Variants in ACSBG2 observed in about 807,000 individuals in gnomAD.
ACSBG2 encodes the protein long-chain-fatty-acid--CoA ligase ACSBG2.
ACSBG2 carries 62 observed loss-of-function variants against 74.7 expected under a neutral mutation model. That is an observed-to-expected ratio of 0.83 (90% CI 0.68 to 1.03). ACSBG2 has a LOEUF of 1.03. Among genes scored for constraint, ACSBG2 ranks in the 50% least tolerant of loss-of-function variants. The pLI, the probability that ACSBG2 is intolerant of heterozygous loss-of-function variation, is 0.00. For missense variants in ACSBG2, 730 were observed against 817.6 expected, an observed-to-expected ratio of 0.89 and a Z score of 1.31; for synonymous variants, 309 against 294.1, an observed-to-expected ratio of 1.05 and a Z score of -0.52.
At chr19:6,177,082 A>T in intron 7 of ACSBG2, 147 bp from the exon 8 acceptor site, 1 of 786,188 alleles carries the variant, frequency 1.3e-6, no homozygotes. Context: ...GATTCCTTGA[A>T]CCCAGGAGTT....
chr19:6,165,625 A>G (rs932294587), intron 6 of ACSBG2, among the ~76,000 whole-genome samples: 2 of 152,166 alleles, frequency 1.3e-5, no homozygotes, highest in Non-Finnish European at 2.9e-5. Context: ...CATCATTCCC[A>G]TTTTACAAAT....
In ACSBG2 at chr19:6,152,279, AT is replaced by A. The variant is rs71172791; in HGVS notation, c.386+506del. Among the ~76,000 whole-genome samples the A allele has an allele frequency of 6.4e-3, 440 of 68,466 alleles. 22 individuals are homozygous for A. The highest frequency in any genetic ancestry group is 9.7e-3 in the Non-Finnish European group (357 of 36,966). 44.9% of individuals were successfully genotyped at this position (68,466 alleles called of 152,430 possible). On this transcript the variant is annotated intron_variant, in intron 4 of 14. Transcript: ENST00000588485. ...GAGCACACACCACCACACCCAGCTA[AT>A]TTTTTTTTTTTTTTTTTTTTTGAGA...
chr19:6,157,054 C>G (rs2089450525), intron 5 of ACSBG2, among the ~76,000 whole-genome samples: 1 of 152,076 alleles, frequency 6.6e-6, no homozygotes, highest in African/African-American at 2.4e-5. Context: ...TCATGCCATT[C>G]TCCTGCCTCA....
chr19:6,157,909 A>G (rs2089476885), intron 5 of ACSBG2, among the ~76,000 whole-genome samples: 1 of 151,498 alleles, frequency 6.6e-6, no homozygotes, highest in Admixed American at 6.6e-5. Flanking sequence ...CCTAAGTTCT[A>G]TCCCTTCCTG....
rs1016228191 is a variant in ACSBG2 at position 6,159,164 on chromosome 19, G to A, written c.508-2051G>A. ...GTCAAGACTGGATTTCGCCATGTTA[G>A]CCAGACTGCTCTTGAACTCCTGGCC... On this transcript the variant is annotated intron_variant, in intron 5 of 14. Coordinates refer to ENST00000588485, the MANE Select transcript of ACSBG2 (RefSeq NM_030924.5). Among the ~76,000 whole-genome samples the A allele has an allele frequency of 5.9e-5, 9 of 152,146 alleles. 1 individual carries two copies. The highest frequency in any genetic ancestry group is 2.2e-4 in the African/African-American group (9 of 41,432).
At chr19:6,152,985 T>G (rs1406393016) in intron 4 of ACSBG2, among the ~76,000 whole-genome samples, 1 of 152,222 alleles carries the variant, frequency 6.6e-6, no homozygotes, top group Non-Finnish European at 1.5e-5. Flanking sequence ...GGCTCACGCC[T>G]GTAATCCCAG....
intron 2 of ACSBG2, among the ~76,000 whole-genome samples, chr19:6,144,359 T>C (rs1423449826): frequency 6.6e-6 from 1 of 152,240 alleles, no homozygotes; most frequent in Non-Finnish European, 1.5e-5. Context: ...GTGACCAGTG[T>C]CTTTATAAAA....
At chr19:6,166,280 T>TGTGTGTGTGTGTGTG (rs2089799967) in intron 7 of ACSBG2, among the ~76,000 whole-genome samples, 3 of 119,096 alleles carry the variant, frequency 2.5e-5, no homozygotes, top group African/African-American at 1.1e-4. Flanking sequence ...GTCAGGAAGG[T>TGTGTGTGTGTGTGTG]TGTGTGTGTG....
At chr19:6,189,525 TTG>T (rs2090501451) in intron 13 of ACSBG2, among the ~76,000 whole-genome samples, 3 of 150,830 alleles carry the variant, frequency 2.0e-5, no homozygotes, top group South Asian at 4.2e-4. Context: ...CCACTGAGTC[TTG>T]TTTTTTTTTT....
chr19:6,141,472 T>G, intron 1 of ACSBG2, 41 bp from the exon 2 acceptor site: 1 of 1,014,602 alleles, frequency 9.9e-7, no homozygotes, highest in South Asian at 1.3e-5. Flanking sequence ...CTACAGCCCC[T>G]TTGCCAATCC....
chr19:6,187,332 G>A lies in ACSBG2; in HGVS notation c.1590G>A (p.Glu530=). Reference sequence around the variant, plus strand: ...AAAATGTGCCCCCCATTCCTGTTGAGACCTTGGTTAAGAAGAAGATCCCCA... The same window carrying A: ...AAAATGTGCCCCCCATTCCTGTTGAAACCTTGGTTAAGAAGAAGATCCCCA... ...GGENVPPIPV[E]TLVKKKIPII... The change falls in exon 12 of 15, where the codon GAG becomes GAA. Residue 530 remains glutamate, a synonymous_variant. Coordinates refer to ENST00000588485, the MANE Select transcript of ACSBG2 (RefSeq NM_030924.5). 1 of 1,614,136 alleles carries A rather than the reference G, an allele frequency of 6.2e-7. No homozygotes were observed. Among genetic ancestry groups the A allele is most frequent in the South Asian group, 1.1e-5 (1 of 91,068 alleles).
chr19:6,170,006 C>T (rs962055728), intron 7 of ACSBG2, among the ~76,000 whole-genome samples: 9 of 152,124 alleles, frequency 5.9e-5, no homozygotes, highest in Admixed American at 4.6e-4. Context: ...GATGTAGAAT[C>T]ATATCATTGG....
At chr19:6,156,630 A>G in intron 5 of ACSBG2, 79 bp downstream of exon 5, 1 of 1,406,674 alleles carries the variant, frequency 7.1e-7, no homozygotes, top group Admixed American at 2.8e-5. Flanking sequence ...TTTTTTTCCC[A>G]GGTAAATTCT....
intron 10 of ACSBG2, among the ~76,000 whole-genome samples, chr19:6,184,104 C>T (rs937151539): frequency 6.6e-6 from 1 of 152,188 alleles, no homozygotes; most frequent in African/African-American, 2.4e-5. Context: ...CATTGCCATA[C>T]ATTTAAAAGT....
chr19:6,177,507 C>A, intron 8 of ACSBG2, 111 bp downstream of exon 8: 1 of 1,132,934 alleles, frequency 8.8e-7, no homozygotes, highest in Non-Finnish European at 1.2e-6. Context: ...CCATGTCTAA[C>A]GGTTTTATCT....
At position 6,177,183 on chromosome 19, in the gene ACSBG2, C is replaced by A. The variant is rs190436421; in HGVS notation, c.739-46C>A. Reference sequence around the variant, plus strand: ...AAATAAAAATTTAAAAATAAAATGGCCCTTCTATGAGGGTGAGGCACCTTG... The same window carrying A: ...AAATAAAAATTTAAAAATAAAATGGACCTTCTATGAGGGTGAGGCACCTTG... On this transcript the variant is annotated intron_variant, in intron 7 of 14. Coordinates refer to ENST00000588485, the MANE Select transcript of ACSBG2 (RefSeq NM_030924.5). 1.9e-5 allele frequency: 31 copies of A among 1,591,682 alleles called. No individual in the cohort carries two copies. The Admixed American group carries it at 3.5e-4, about 18-fold the overall frequency.
intron 5 of ACSBG2, among the ~76,000 whole-genome samples, chr19:6,158,484 C>T (rs539874448): frequency 6.9e-4 from 96 of 139,782 alleles, no homozygotes; most frequent in Admixed American, 1.1e-3. Context: ...TGGCTATTGT[C>T]GAAACTTTAA....
At chr19:6,155,052 T>G (rs1428646395) in intron 4 of ACSBG2, among the ~76,000 whole-genome samples, 1 of 152,158 alleles carries the variant, frequency 6.6e-6, no homozygotes, top group Non-Finnish European at 1.5e-5. Flanking sequence ...GCAAATAGTA[T>G]GTGCTTAAGA....
In ACSBG2 at chr19:6,190,679, C is replaced by T; in HGVS notation, c.*22C>T. On this transcript the variant is annotated 3_prime_UTR_variant, in exon 14 of 15. Transcript: ENST00000588485. ...CTGACTGCTTTGATGGAGCTGCTCTCAGCTGTTCTGATGGTGAGATTCAGT... is the reference window on the plus strand; with the variant it reads ...CTGACTGCTTTGATGGAGCTGCTCTTAGCTGTTCTGATGGTGAGATTCAGT... 6.2e-7 allele frequency: 1 copy of T among 1,610,842 alleles called. No individual in the cohort carries two copies. The highest frequency in any genetic ancestry group is 8.5e-7 in the Non-Finnish European group (1 of 1,177,068).
Sources: gnomAD v4.1 joint callset for allele counts (sites outside exome capture counted in the v4.1 genomes callset) on GRCh38, gnomAD v4.1.1 for gene constraint, MANE v1.5 for transcripts, NCBI Gene and HGNC (gene_info 2026-07-23, HGNC 2026-07-21) for gene names.